DLG2: variants seen among roughly 807,000 people sequenced by gnomAD.
The protein encoded by DLG2 is disks large homolog 2.
Under a neutral mutation model 132.5 loss-of-function variants are expected in DLG2, and 45 were observed. The observed-to-expected ratio is 0.34, with a 90% CI of 0.27 to 0.44. The LOEUF (loss-of-function observed/expected upper bound fraction) is 0.44, where lower values mean the gene tolerates loss of function less well. Among genes scored for constraint, DLG2 ranks in the 20% least tolerant of loss-of-function variants. DLG2 has a pLI of 1.00. For missense variants in DLG2, 1,045 were observed against 1,196.9 expected, an observed-to-expected ratio of 0.87 and a Z score of 1.87; for synonymous variants, 424 against 419.6, an observed-to-expected ratio of 1.01 and a Z score of -0.13.
chr11:85,272,437 G>C (rs1287793019), intron 4 of DLG2, among the ~76,000 whole-genome samples: 1 of 152,134 alleles, frequency 6.6e-6, no homozygotes, highest in Non-Finnish European at 1.5e-5. Context: ...TGTAGGATAG[G>C]CTAGAAGTCT....
At chr11:84,377,457 T>C (rs1016237015) in intron 7 of DLG2, among the ~76,000 whole-genome samples, 36 of 152,168 alleles carry the variant, frequency 2.4e-4, no homozygotes, top group African/African-American at 7.9e-4. Flanking sequence ...TATATTCAAA[T>C]GTATTAGATA....
At chr11:84,156,706 T>C (rs907755134) in intron 9 of DLG2, among the ~76,000 whole-genome samples, 3 of 152,184 alleles carry the variant, frequency 2.0e-5, no homozygotes, top group African/African-American at 4.8e-5. Context: ...AAATGACTTA[T>C]AGAGAAAAGA....
chr11:84,155,131 T>C (rs1034817726), intron 9 of DLG2, among the ~76,000 whole-genome samples: 3 of 152,130 alleles, frequency 2.0e-5, no homozygotes, highest in Non-Finnish European at 2.9e-5. Context: ...TCTTTTAGAG[T>C]TGAATTGTGG....
intron 6 of DLG2, among the ~76,000 whole-genome samples, chr11:84,680,279 C>T (rs1216283085): frequency 6.6e-6 from 1 of 152,106 alleles, no homozygotes; most frequent in Non-Finnish European, 1.5e-5. Context: ...TTTACCCTGT[C>T]ACAATTCTGC....
At chr11:84,541,534 T>C (rs2099370736) in intron 6 of DLG2, among the ~76,000 whole-genome samples, 1 of 152,110 alleles carries the variant, frequency 6.6e-6, no homozygotes, top group African/African-American at 2.4e-5. Flanking sequence ...TGCACAGGAT[T>C]TTGTCAATGA....
intron 7 of DLG2, among the ~76,000 whole-genome samples, chr11:84,495,734 T>A (rs1157717860): frequency 6.6e-6 from 1 of 152,180 alleles, no homozygotes; most frequent in African/African-American, 2.4e-5. Context: ...TGGGCAGAAA[T>A]GACCTCTAAT....
intron 17 of DLG2, chr11:83,790,852 C>T: frequency 2.7e-6 from 2 of 745,326 alleles, no homozygotes; most frequent in South Asian, 3.1e-5. Flanking sequence ...GAAGAACTGT[C>T]CAGACAATAG....
In DLG2 at chr11:83,957,344, A is replaced by C. The variant is rs79576441; in HGVS notation, c.1340+5541T>G. Among the ~76,000 whole-genome samples the C allele has an allele frequency of 3.0e-4, 46 of 152,330 alleles. 1 individual carries two copies. The East Asian group carries it at 8.7e-3, about 29-fold the overall frequency. On this transcript the variant is annotated intron_variant, in intron 14 of 27. Coordinates refer to ENST00000376104, the MANE Select transcript of DLG2 (RefSeq NM_001142699.3). ...GAAAGACTACTCCATAGGTAATAAAAACTATAAAAATGGTCAGTAGTCAAA... is the reference window on the plus strand; with the variant it reads ...GAAAGACTACTCCATAGGTAATAAACACTATAAAAATGGTCAGTAGTCAAA...
At chr11:85,068,523 C>T (rs915416619) in intron 6 of DLG2, among the ~76,000 whole-genome samples, 13 of 151,968 alleles carry the variant, frequency 8.6e-5, no homozygotes, top group Non-Finnish European at 1.9e-4. Flanking sequence ...AAACAGAGAG[C>T]CAAATCATGA....
At chr11:84,531,859 T>G (rs778162228) in intron 7 of DLG2, among the ~76,000 whole-genome samples, 3 of 151,112 alleles carry the variant, frequency 2.0e-5, no homozygotes, top group Non-Finnish European at 4.4e-5. Flanking sequence ...TGAATACAGT[T>G]AATTTTAAGA....
intron 6 of DLG2, among the ~76,000 whole-genome samples, chr11:84,900,489 T>C (rs929257012): frequency 6.6e-5 from 10 of 152,058 alleles, no homozygotes; most frequent in African/African-American, 2.2e-4. Flanking sequence ...CACATTCTTC[T>C]ATAAAAGGGA....
intron 7 of DLG2, among the ~76,000 whole-genome samples, chr11:84,462,813 C>T (rs1482272053): frequency 6.6e-6 from 1 of 151,032 alleles, no homozygotes. Context: ...GCCAACGTAA[C>T]AACTGGTCCC....
intron 6 of DLG2, among the ~76,000 whole-genome samples, chr11:84,739,503 T>G (rs1425996837): frequency 6.6e-6 from 1 of 152,182 alleles, no homozygotes; most frequent in Admixed American, 6.5e-5. Flanking sequence ...TATGAGCACT[T>G]TACCTGAGTT....
chr11:83,848,251 C>T (rs550221066), intron 16 of DLG2, among the ~76,000 whole-genome samples: 2 of 152,124 alleles, frequency 1.3e-5, no homozygotes, highest in South Asian at 2.1e-4. Context: ...GAACTACAAC[C>T]CCCTTGGGCC....
chr11:83,488,753 G>A (rs2137973577), intron 21 of DLG2, among the ~76,000 whole-genome samples: 1 of 152,072 alleles, frequency 6.6e-6, no homozygotes, highest in Non-Finnish European at 1.5e-5. Context: ...TTTTATACAT[G>A]CTATTTTCCT....
Position 83,910,798 on chromosome 11 carries a change from G to A in DLG2, c.1496+19530C>T, listed in dbSNP as rs572439374. On this transcript the variant is annotated intron_variant, in intron 15 of 27. Coordinates refer to ENST00000376104, the MANE Select transcript of DLG2 (RefSeq NM_001142699.3). Reference sequence around the variant, plus strand: ...ACATTTCAGTTGCTCTTCATGCCCCGACAGCTATCATTGTCGTGATGATTA... The same window carrying A: ...ACATTTCAGTTGCTCTTCATGCCCCAACAGCTATCATTGTCGTGATGATTA... Among the ~76,000 whole-genome samples, 43 of 152,118 alleles carry A rather than the reference G, an allele frequency of 2.8e-4. 1 individual carries two copies. Among genetic ancestry groups the A allele is most frequent in the Non-Finnish European group, 3.4e-4 (23 of 67,962 alleles).
intron 4 of DLG2, among the ~76,000 whole-genome samples, chr11:85,256,027 T>G (rs1237054190): frequency 6.6e-6 from 1 of 152,134 alleles, no homozygotes; most frequent in Non-Finnish European, 1.5e-5. Context: ...AAACACTGGG[T>G]AGAAGAGGGC....
Position 83,786,757 on chromosome 11 carries a change from C to T in DLG2, c.1758G>A (p.Glu586=). ...CCCCCTTTAGTGCAGCAGCTGCCTG[C>T]TCGTGGGATGCACCACGGAGGTCAA... ...NGIDLRGASH[E]QAAAALKGAG... The change falls in exon 18 of 28, where the codon GAG becomes GAA. Residue 586 remains glutamate (E), a synonymous_variant. Coordinates refer to ENST00000376104, the MANE Select transcript of DLG2 (RefSeq NM_001142699.3). 6.2e-7 allele frequency: 1 copy of T among 1,614,126 alleles called. No homozygotes were observed.
chr11:84,042,245 T>C (rs2096107257), intron 11 of DLG2, among the ~76,000 whole-genome samples: 1 of 151,894 alleles, frequency 6.6e-6, no homozygotes, highest in East Asian at 1.9e-4. Context: ...CTAAATTCCT[T>C]TATGTGTCTT....
Sources: allele counts gnomAD v4.1 joint callset (sites outside exome capture counted in the v4.1 genomes callset), GRCh38; gene constraint gnomAD v4.1.1; transcripts MANE v1.5; gene names NCBI Gene and HGNC (gene_info 2026-07-23, HGNC 2026-07-21).